BBS2: variants seen among roughly 807,000 people sequenced by gnomAD.
BBS2 encodes the protein BBSome complex member BBS2.
Under a neutral mutation model 83.0 loss-of-function variants are expected in BBS2, and 62 were observed. That is an observed-to-expected ratio of 0.75 (90% CI 0.61 to 0.92). BBS2 has a LOEUF of 0.92. Ranked by LOEUF, BBS2 falls within the 40% of genes least tolerant of loss-of-function variation. The probability of loss-of-function intolerance (pLI) is 0.00; values close to 1 mark genes in which losing one functional copy is unlikely to be tolerated. For synonymous variants in BBS2, 303 were observed against 326.1 expected, an observed-to-expected ratio of 0.93 and a Z score of 0.76; for missense variants, 784 against 901.0, an observed-to-expected ratio of 0.87 and a Z score of 1.66.
intron 17 of BBS2, chr16:56,476,240 T>G: frequency 1.3e-6 from 2 of 1,590,164 alleles, no homozygotes; most frequent in South Asian, 1.1e-5. Flanking sequence ...AATGTGACCC[T>G]TCGTAATTAC....
chr16:56,501,711 G>T, intron 9 of BBS2: 1 of 617,658 alleles, frequency 1.6e-6, no homozygotes, highest in Non-Finnish European at 2.8e-6. Context: ...ATCTTTCTAT[G>T]GGTATGGTCC....
chr16:56,510,107 ATTGCACAGTACT>A lies in BBS2; in HGVS notation c.535-85_535-74del, dbSNP rs1330881710. On this transcript the variant is annotated intron_variant, in intron 4 of 16. Transcript: ENST00000245157. ...AAAATTTCTGTAAACAAAACAAAAA[ATTGCACAGTACT>A]TTGCATGCTGCTTCTGCCACCCAAG... 3.4e-4 allele frequency: 466 copies of A among 1,368,308 alleles called. 2 individuals carry two copies. Among genetic ancestry groups the A allele is most frequent in the South Asian group, 1.9e-4 (16 of 84,622 alleles). The allele number at this position is 1,368,308 out of a possible 1,614,324, so 84.8% of individuals were successfully genotyped here.
chr16:56,508,035 C>A (rs192819351), intron 5 of BBS2, among the ~76,000 whole-genome samples: 42 of 152,302 alleles, frequency 2.8e-4, no homozygotes, highest in African/African-American at 7.7e-4. Flanking sequence ...CTCCTTTTGG[C>A]ACCCATTTCT....
chr16:56,514,444 T>A lies in BBS2; in HGVS notation c.345+9A>T, dbSNP rs1964673422. 2 of 1,610,496 alleles carry A rather than the reference T, an allele frequency of 1.2e-6. No individual in the cohort carries two copies. Among genetic ancestry groups the A allele is most frequent in the South Asian group, 2.2e-5 (2 of 90,968 alleles). The stretch of plus-strand genomic sequence containing the variant: ...ATGACAATTTTATGGTTATAAAGGT[T>A]ATACTTGCCTCTCTGTAGAACAAAT... On this transcript the variant is annotated intron_variant, in intron 2 of 16. Coordinates refer to ENST00000245157, the MANE Select transcript of BBS2 (RefSeq NM_031885.5).
Position 56,514,447 on chromosome 16 carries a change from A to G in BBS2, c.345+6T>C, listed in dbSNP as rs780433626. 6.2e-7 allele frequency: 1 copy of G among 1,611,234 alleles called. No homozygotes were observed. The highest frequency in any genetic ancestry group is 1.1e-5 in the South Asian group (1 of 91,000). On this transcript the variant is annotated splice_donor_region_variant and intron_variant, in intron 2 of 16. Coordinates refer to ENST00000245157, the MANE Select transcript of BBS2 (RefSeq NM_031885.5). ...ACAATTTTATGGTTATAAAGGTTAT[A>G]CTTGCCTCTCTGTAGAACAAATCCG...
chr16:56,483,761 T>G (rs1408589169), downstream of BBS2, among the ~76,000 whole-genome samples: 1 of 151,722 alleles, frequency 6.6e-6, no homozygotes, highest in African/African-American at 2.4e-5. Context: ...AGTGCAGTGG[T>G]GCAATCTTGC....
At chr16:56,489,074 C>T (rs1663630115) in intron 15 of BBS2, among the ~76,000 whole-genome samples, 1 of 151,660 alleles carries the variant, frequency 6.6e-6, no homozygotes, top group Non-Finnish European at 1.5e-5. Flanking sequence ...AGCTACTGCA[C>T]CCAGCCAAAC....
chr16:56,496,832 T>C, intron 15 of BBS2, 135 bp downstream of exon 15: 1 of 755,886 alleles, frequency 1.3e-6, no homozygotes, highest in Non-Finnish European at 2.4e-6. Context: ...CATTTTCAAC[T>C]TTACTGATAA....
chr16:56,516,824 ATTGCTT>A (rs1964765334), intron 1 of BBS2, among the ~76,000 whole-genome samples: 1 of 152,184 alleles, frequency 6.6e-6, no homozygotes, highest in Admixed American at 6.5e-5. Flanking sequence ...GAATGTTTTA[ATTGCTT>A]TTAAGAAAAT....
rs761068592 is a variant in BBS2 at position 56,484,783 on chromosome 16, C to G, written c.2144G>C (p.Arg715Pro). ...CACCTAGGAAGAAGCTGTCCCCACTCGCATGATTTTGAACAGTGTGTTGAT... is the reference window on the plus strand; with the variant it reads ...CACCTAGGAAGAAGCTGTCCCCACTGGCATGATTTTGAACAGTGTGTTGAT... The part of the protein sequence containing the change: ...NNINTLFKIM[R>P]VGTASS Residue 715 changes from arginine (R) to proline (P), a missense_variant, in exon 17 of 17, where the codon CGA becomes CCA. Coordinates refer to ENST00000245157, the MANE Select transcript of BBS2 (RefSeq NM_031885.5). The G allele has an allele frequency of 6.2e-7, 1 of 1,613,738 alleles. No homozygotes were observed. The highest frequency in any genetic ancestry group is 8.5e-7 in the Non-Finnish European group (1 of 1,179,816).
intron 15 of BBS2, among the ~76,000 whole-genome samples, chr16:56,490,767 A>AT (rs201601200): frequency 0.098 from 14,468 of 147,434 alleles, 801 homozygotes; most frequent in South Asian, 0.17. Context: ...GTAAAGCAAA[A>AT]TTTTTTTTTT....
chr16:56,474,884 A>C, intron 17 of BBS2: 1 of 1,613,110 alleles, frequency 6.2e-7, no homozygotes, highest in Non-Finnish European at 8.5e-7. Context: ...CGGTCACTAC[A>C]CTTTAATTCA....
At chr16:56,499,975 A>C in intron 11 of BBS2, 68 bp from the exon 12 acceptor site, 1 of 1,592,036 alleles carries the variant, frequency 6.3e-7, no homozygotes, top group Non-Finnish European at 8.6e-7. Flanking sequence ...TGCAAGGCCC[A>C]GAAAATAAAG....
In BBS2 at chr16:56,506,021, TGGC is replaced by T. The variant is rs1171314440; in HGVS notation, c.730_732del (p.Ala244del). On this transcript the variant is annotated inframe_deletion, in exon 7 of 17. Transcript: ENST00000245157. ...TTAAGGTCAAAAGCATGAATGCTCA[TGGC>T]ATGATTTTTCGACTGAAAAAGAATT... 1 of 1,613,880 alleles carries T rather than the reference TGGC, an allele frequency of 6.2e-7. No individual in the cohort carries two copies. Among genetic ancestry groups the T allele is most frequent in the Admixed American group, 1.7e-5 (1 of 60,002 alleles).
chr16:56,474,535 G>T (rs1345917935), intron 17 of BBS2, among the ~76,000 whole-genome samples: 1 of 151,890 alleles, frequency 6.6e-6, no homozygotes, highest in African/African-American at 2.4e-5. Context: ...GGTCAGGCTG[G>T]TCTTGAACTC....
At chr16:56,480,358 A>AAAC (rs1963636424), downstream of BBS2, among the ~76,000 whole-genome samples, 2 of 145,234 alleles carry the variant, frequency 1.4e-5, no homozygotes, top group Non-Finnish European at 3.0e-5. Context: ...CACACAAAAA[A>AAAC]AAAAAAACAA....
intron 13 of BBS2, 41 bp from the exon 14 acceptor site, chr16:56,497,921 G>A (rs1405702707): frequency 6.3e-7 from 1 of 1,597,068 alleles, no homozygotes; most frequent in Admixed American, 1.7e-5. Context: ...ATCCTCAGAT[G>A]TTAGACAAAC....
downstream of BBS2, among the ~76,000 whole-genome samples, chr16:56,481,108 C>T (rs1198319184): frequency 6.6e-6 from 1 of 152,088 alleles, no homozygotes; most frequent in Non-Finnish European, 1.5e-5. Flanking sequence ...ATTGGCAGAT[C>T]TGTAACTGCT....
chr16:56,474,994 G>A (rs762031237), intron 17 of BBS2: 12 of 1,604,692 alleles, frequency 7.5e-6, no homozygotes, highest in African/African-American at 1.3e-5. Context: ...CCCGTAGGAG[G>A]GGCAGTCTCT....
Sources: gnomAD v4.1 joint callset for allele counts (sites outside exome capture counted in the v4.1 genomes callset) on GRCh38, gnomAD v4.1.1 for gene constraint, MANE v1.5 for transcripts, NCBI Gene and HGNC (gene_info 2026-07-23, HGNC 2026-07-21) for gene names.